The following IMMP2L variants were observed in gnomAD, a reference collection of about 807,000 sequenced individuals.
The protein encoded by IMMP2L is inner mitochondrial membrane peptidase subunit 2, also known as mitochondrial inner membrane protease subunit 2.
A neutral mutation model predicts 19.3 loss-of-function variants in IMMP2L; 18 were observed. The observed-to-expected ratio is 0.93, with a 90% CI of 0.64 to 1.38. The LOEUF (loss-of-function observed/expected upper bound fraction) is 1.38, where lower values mean the gene tolerates loss of function less well. IMMP2L is among the 40% of genes most tolerant of loss of function. The pLI, the probability that IMMP2L is intolerant of heterozygous loss-of-function variation, is 0.00. For missense variants in IMMP2L, 233 were observed against 218.2 expected (o/e 1.07, Z -0.43); for synonymous variants, 76 against 73.0 (o/e 1.04, Z -0.21).
In IMMP2L at chr7:111,007,574, C is replaced by G. The variant is rs138890858; in HGVS notation, c.240-44009G>C. Among the ~76,000 whole-genome samples the G allele has an allele frequency of 1.6e-3, 247 of 152,186 alleles. 2 individuals are homozygous for G. Among genetic ancestry groups the G allele is most frequent in the Non-Finnish European group, 2.0e-3 (133 of 68,004 alleles). On this transcript the variant is annotated intron_variant, in intron 3 of 5. Transcript: ENST00000405709. ...TGTTCAAATTCCCCAGGGCTCAGAC[C>G]TCACACTTTTTTTCATGTACACTCA... is the stretch of plus-strand genomic sequence containing the variant.
chr7:111,394,629 A>G (rs1832695771), intron 3 of IMMP2L, among the ~76,000 whole-genome samples: 1 of 152,114 alleles, frequency 6.6e-6, no homozygotes, highest in Admixed American at 6.6e-5. Flanking sequence ...TTCATCTCAA[A>G]GAAATAAGTA....
At chr7:110,846,271 C>T (rs1805651349) in intron 5 of IMMP2L, among the ~76,000 whole-genome samples, 1 of 151,900 alleles carries the variant, frequency 6.6e-6, no homozygotes, top group Non-Finnish European at 1.5e-5. Context: ...GTGGTTACTT[C>T]CAAGAACACC....
At chr7:111,307,362 T>C (rs1822993750) in intron 3 of IMMP2L, among the ~76,000 whole-genome samples, 1 of 151,846 alleles carries the variant, frequency 6.6e-6, no homozygotes, top group Admixed American at 6.6e-5. Context: ...CACTAAGTTT[T>C]GATTTTTGGT....
At chr7:111,033,018 G>A (rs780606671) in intron 3 of IMMP2L, among the ~76,000 whole-genome samples, 16 of 152,086 alleles carry the variant, frequency 1.1e-4, no homozygotes, top group Non-Finnish European at 2.2e-4. Context: ...TACTCAGGAG[G>A]CTGAGTCATG....
intron 5 of IMMP2L, among the ~76,000 whole-genome samples, chr7:110,792,625 T>G (rs557554756): frequency 7.9e-4 from 120 of 152,272 alleles, no homozygotes; most frequent in Non-Finnish European, 1.4e-3. Flanking sequence ...TCTTTCACGC[T>G]GCTTGCACTG....
intron 3 of IMMP2L, among the ~76,000 whole-genome samples, chr7:111,376,349 C>T (rs187878022): frequency 2.0e-5 from 3 of 152,092 alleles, no homozygotes; most frequent in East Asian, 1.9e-4. Flanking sequence ...ATCAAAACCA[C>T]GAGATACTAC....
chr7:111,294,534 A>G (rs1821431098), intron 3 of IMMP2L, among the ~76,000 whole-genome samples: 1 of 151,922 alleles, frequency 6.6e-6, no homozygotes, highest in South Asian at 2.1e-4. Flanking sequence ...ATGTTTACAT[A>G]ATTTAAACAC....
chr7:111,513,173 G>C (rs1325553904), intron 2 of IMMP2L, among the ~76,000 whole-genome samples: 15 of 152,036 alleles, frequency 9.9e-5, no homozygotes. Context: ...ACATGGTAAA[G>C]AGACAATCTA....
At chr7:110,745,209 T>C (rs1797254174) in intron 5 of IMMP2L, among the ~76,000 whole-genome samples, 1 of 151,784 alleles carries the variant, frequency 6.6e-6, no homozygotes, top group Non-Finnish European at 1.5e-5. Context: ...AGAAACAAGA[T>C]TGAAAAGAAA....
At chr7:110,971,827 C>G (rs370820912) in intron 3 of IMMP2L, among the ~76,000 whole-genome samples, 1 of 151,946 alleles carries the variant, frequency 6.6e-6, no homozygotes, top group East Asian at 1.9e-4. Flanking sequence ...TAGTGACAAT[C>G]GAGATATGCA....
intron 5 of IMMP2L, among the ~76,000 whole-genome samples, chr7:110,875,538 G>A (rs1298026699): frequency 6.6e-6 from 1 of 152,058 alleles, no homozygotes; most frequent in Non-Finnish European, 1.5e-5. Flanking sequence ...AATCTCATTA[G>A]GTTTTTGTGA....
intron 4 of IMMP2L, chr7:110,963,153 G>T: frequency 2.2e-6 from 3 of 1,354,604 alleles, no homozygotes; most frequent in Non-Finnish European, 2.0e-6. Context: ...AAATGTTCTT[G>T]AATTTTTTTA....
chr7:111,014,146 T>C (rs1825255137), intron 3 of IMMP2L, among the ~76,000 whole-genome samples: 1 of 152,088 alleles, frequency 6.6e-6, no homozygotes, highest in African/African-American at 2.4e-5. Flanking sequence ...GGCAGATCAC[T>C]TGAGGCCGGG....
At chr7:110,697,392 A>G (rs1793970030) in intron 5 of IMMP2L, among the ~76,000 whole-genome samples, 1 of 152,246 alleles carries the variant, frequency 6.6e-6, no homozygotes, top group Admixed American at 6.5e-5. Flanking sequence ...ACCCTTAAAA[A>G]GAATGGCTAA....
At chr7:111,480,784 T>C (rs1001585103) in intron 3 of IMMP2L, among the ~76,000 whole-genome samples, 1 of 152,096 alleles carries the variant, frequency 6.6e-6, no homozygotes, top group Non-Finnish European at 1.5e-5. Flanking sequence ...CAGATAAGTA[T>C]ACACAATTAT....
intron 3 of IMMP2L, among the ~76,000 whole-genome samples, chr7:111,316,845 CTTTTTTTTTTTTTT>C (rs869155077): frequency 4.0e-5 from 3 of 75,896 alleles, no homozygotes; most frequent in Admixed American, 4.2e-4. Context: ...TTTTTTTTTT[CTTTTTTTTTTTTTT>C]TTTTTTTTTG....
chr7:111,411,414 A>G lies in IMMP2L; in HGVS notation c.239+75824T>C, dbSNP rs922404227. Reference sequence around the variant, plus strand: ...GGGGTCCCCGTGAAAGTGACCATCAAGATGGCACCACCTCACCAGACCTCC... The same window carrying G: ...GGGGTCCCCGTGAAAGTGACCATCAGGATGGCACCACCTCACCAGACCTCC... On this transcript the variant is annotated intron_variant, in intron 3 of 5. Coordinates refer to ENST00000405709, the MANE Select transcript of IMMP2L (RefSeq NM_032549.4). 22 of 495,044 alleles carry G rather than the reference A, an allele frequency of 4.4e-5. 1 individual carries two copies. Among genetic ancestry groups the G allele is most frequent in the African/African-American group, 4.4e-4 (22 of 50,370 alleles). 30.7% of individuals were successfully genotyped at this position (495,044 alleles called of 1,614,324 possible). A position where few individuals can be genotyped will look rare whatever the true frequency, so the allele number is the denominator to read the frequency against.
intron 3 of IMMP2L, among the ~76,000 whole-genome samples, chr7:111,220,193 A>G (rs541411691): frequency 1.1e-4 from 16 of 152,088 alleles, no homozygotes; most frequent in Non-Finnish European, 1.9e-4. Context: ...ATAGGCTCAC[A>G]AAGGAAAAAA....
intron 3 of IMMP2L, among the ~76,000 whole-genome samples, chr7:111,374,051 C>T (rs1457123031): frequency 6.6e-6 from 1 of 151,892 alleles, no homozygotes; most frequent in Non-Finnish European, 1.5e-5. Context: ...CAGCAAAGAC[C>T]TCATTCAGTT....
Sources: allele counts gnomAD v4.1 joint callset (sites outside exome capture counted in the v4.1 genomes callset), GRCh38; gene constraint gnomAD v4.1.1; transcripts MANE v1.5; gene names NCBI Gene and HGNC (gene_info 2026-07-23, HGNC 2026-07-21).